Variants in PMEPA1 observed in about 807,000 individuals in gnomAD.
PMEPA1 encodes protein TMEPAI.
A neutral mutation model predicts 23.0 loss-of-function variants in PMEPA1; 11 were observed. That is an observed-to-expected ratio of 0.48 (90% CI 0.30 to 0.79). The LOEUF (loss-of-function observed/expected upper bound fraction) is 0.79, where lower values mean the gene tolerates loss of function less well. PMEPA1 is among the 30% of genes least tolerant of loss of function. The pLI is 0.06. For synonymous variants in PMEPA1, 204 were observed against 166.4 expected, an observed-to-expected ratio of 1.23 and a Z score of -1.74; for missense variants, 377 against 390.9, an observed-to-expected ratio of 0.96 and a Z score of 0.30.
Position 57,672,300 on chromosome 20 carries a change from T to G in PMEPA1, c.110-12603A>C, listed in dbSNP as rs143113330. Among the ~76,000 whole-genome samples the G allele has an allele frequency of 2.0e-4, 31 of 152,386 alleles. No individual in the cohort carries two copies. In the East Asian group the frequency reaches 5.4e-3, roughly 27 times the overall value. On this transcript the variant is annotated intron_variant, in intron 1 of 3. Coordinates refer to ENST00000341744, the MANE Select transcript of PMEPA1 (RefSeq NM_020182.5). ...TCGGCAAGCACCTCGTGCTCCTTGG[T>G]AACCAGCAGATGTTTCTCTCAATTA...
chr20:57,703,758 G>A (rs910409244), intron 1 of PMEPA1, among the ~76,000 whole-genome samples: 5 of 152,152 alleles, frequency 3.3e-5, no homozygotes, highest in African/African-American at 4.8e-5. Flanking sequence ...CTCATCACTA[G>A]GCACTCTGTT....
intron 1 of PMEPA1, among the ~76,000 whole-genome samples, chr20:57,689,375 C>T (rs2071845875): frequency 6.6e-6 from 1 of 152,098 alleles, no homozygotes; most frequent in Admixed American, 6.5e-5. Flanking sequence ...ATTGTGTGAC[C>T]AGGACAGAGG....
intron 1 of PMEPA1, among the ~76,000 whole-genome samples, chr20:57,696,505 C>A (rs1401616023): frequency 2.0e-5 from 3 of 152,154 alleles, no homozygotes; most frequent in African/African-American, 4.8e-5. Context: ...CTCCTCCATG[C>A]GATGGGGTTG....
In PMEPA1 at chr20:57,682,379, A is replaced by C. The variant is rs2071730605; in HGVS notation, c.110-22682T>G. ...GAGCCTCGGTGGTTTCATCCATAAA[A>C]TGGGGAAATGACAGCCCGCTGCCCT... is the stretch of plus-strand genomic sequence containing the variant. On this transcript the variant is annotated intron_variant, in intron 1 of 3. Transcript: ENST00000341744. This position sits in a 1 kb window ranked among gnomAD's most constrained non-coding sequence, Gnocchi z 4.4. 6.6e-6 allele frequency among the ~76,000 whole-genome samples: 1 copy of C among 152,172 alleles called. No homozygotes were observed. Among genetic ancestry groups the C allele is most frequent in the South Asian group, 2.1e-4 (1 of 4,822 alleles).
intron 1 of PMEPA1, among the ~76,000 whole-genome samples, chr20:57,669,895 G>C (rs1052789130): frequency 6.6e-6 from 1 of 152,060 alleles, no homozygotes; most frequent in Non-Finnish European, 1.5e-5. Flanking sequence ...AAAGATTTGA[G>C]AAGCATCTGT....
At chr20:57,702,701 A>C (rs563721475) in intron 1 of PMEPA1, among the ~76,000 whole-genome samples, 237 of 152,178 alleles carry the variant, frequency 1.6e-3, no homozygotes, top group Non-Finnish European at 3.0e-3. Context: ...TGGCTGTGTG[A>C]CCTCGAGCAA....
chr20:57,663,844 G>A (rs908584696), intron 1 of PMEPA1, among the ~76,000 whole-genome samples: 2 of 152,196 alleles, frequency 1.3e-5, no homozygotes, highest in Non-Finnish European at 2.9e-5. Context: ...GCAACACCCT[G>A]GGCCAAGGAG....
intron 1 of PMEPA1, among the ~76,000 whole-genome samples, chr20:57,661,462 G>A (rs754020970): frequency 4.6e-5 from 7 of 152,290 alleles, no homozygotes; most frequent in African/African-American, 7.2e-5. Flanking sequence ...CCCAGACCCC[G>A]GCTGGCATGG....
chr20:57,675,638 G>A lies in PMEPA1; in HGVS notation c.110-15941C>T, dbSNP rs1304904961. On this transcript the variant is annotated intron_variant, in intron 1 of 3. Transcript: ENST00000341744. ...CCACACTGACAGTCGGCCCCTGAAT[G>A]GATTGCCGGGCCCAGCGGCAGCTTG... Among the ~76,000 whole-genome samples the A allele has an allele frequency of 2.0e-5, 3 of 152,214 alleles. No homozygotes were observed. The East Asian group carries it at 5.8e-4, about 29-fold the overall frequency.
Position 57,693,037 on chromosome 20 carries a change from C to T in PMEPA1, c.109+16437G>A, listed in dbSNP as rs111627553. ...AACGTGGCAAAACTCAGCCAAGTCC[C>T]GAAGTGGCAAAACCACGATGTTCAC... On this transcript the variant is annotated intron_variant, in intron 1 of 3. Transcript: ENST00000341744. Among the ~76,000 whole-genome samples, 490 of 152,304 alleles carry T rather than the reference C, an allele frequency of 3.2e-3. 4 individuals are homozygous for T. Among genetic ancestry groups the T allele is most frequent in the African/African-American group, 0.011 (455 of 41,566 alleles).
In PMEPA1 at chr20:57,652,931, GGC is replaced by G; in HGVS notation, c.318+100_318+101del. ...CAGCAGCAAGGGCACTGCAGAGGAG[GGC>G]GGAGGGGTGAGCCTTTAGCAGCCCA... On this transcript the variant is annotated intron_variant, in intron 3 of 3. Transcript: ENST00000341744. The surrounding 1 kb of genome is among the most constrained non-coding windows in gnomAD (Gnocchi z 6.1). 1.0e-6 allele frequency: 1 copy of G among 969,248 alleles called. No individual in the cohort carries two copies. The highest frequency in any genetic ancestry group is 1.6e-6 in the Non-Finnish European group (1 of 621,112). 60.0% of individuals were successfully genotyped at this position (969,248 alleles called of 1,614,324 possible). A position where few individuals can be genotyped will look rare whatever the true frequency, so the allele number is the denominator to read the frequency against.
intron 1 of PMEPA1, among the ~76,000 whole-genome samples, chr20:57,687,873 C>G (rs909547185): frequency 2.0e-5 from 3 of 152,234 alleles, no homozygotes; most frequent in African/African-American, 7.2e-5. Flanking sequence ...CACAAGGGCC[C>G]CCAGCAGGGC....
chr20:57,669,321 C>T (rs1319675728), intron 1 of PMEPA1, among the ~76,000 whole-genome samples: 2 of 152,106 alleles, frequency 1.3e-5, no homozygotes, highest in Non-Finnish European at 2.9e-5. Flanking sequence ...CCAGCACGCC[C>T]AGCTAATTTT....
chr20:57,666,044 G>A (rs980733068), intron 1 of PMEPA1, among the ~76,000 whole-genome samples: 42 of 151,980 alleles, frequency 2.8e-4, no homozygotes, highest in South Asian at 2.1e-4. Context: ...ATTTTTCTTC[G>A]TAATTTTTCC....
chr20:57,674,829 G>T (rs11697552), intron 1 of PMEPA1, among the ~76,000 whole-genome samples: 4 of 152,130 alleles, frequency 2.6e-5, no homozygotes, highest in African/African-American at 9.7e-5. Context: ...CCTCAGGAGC[G>T]AGGGCACGCA....
At chr20:57,699,123 C>T (rs531556647) in intron 1 of PMEPA1, among the ~76,000 whole-genome samples, 218 of 152,312 alleles carry the variant, frequency 1.4e-3, no homozygotes, top group Non-Finnish European at 2.4e-3. Context: ...GGGCTCGAAC[C>T]GAATCTTGTT....
intron 1 of PMEPA1, among the ~76,000 whole-genome samples, chr20:57,679,079 AACAGAAC>A (rs2146678466): frequency 6.6e-6 from 1 of 152,298 alleles, no homozygotes; most frequent in South Asian, 2.1e-4. Context: ...CAGAACATGG[AACAGAAC>A]TAGAGCAGGT....
At chr20:57,700,040 A>G (rs1234540963) in intron 1 of PMEPA1, 1 of 471,246 alleles carries the variant, frequency 2.1e-6, no homozygotes, top group East Asian at 6.9e-5. Flanking sequence ...AACCACTGAC[A>G]CTCAGGCAAA....
intron 1 of PMEPA1, among the ~76,000 whole-genome samples, chr20:57,680,771 T>C (rs540023725): frequency 3.3e-5 from 5 of 152,352 alleles, no homozygotes; most frequent in African/African-American, 1.2e-4. Context: ...ACTTGGATTG[T>C]ACATTTCTGT....
Sources: gnomAD v4.1 joint callset for allele counts (sites outside exome capture counted in the v4.1 genomes callset) on GRCh38, gnomAD v4.1.1 for gene constraint, Gnocchi (gnomAD v3.1) non-coding constraint, MANE v1.5 for transcripts, NCBI Gene and HGNC (gene_info 2026-07-23, HGNC 2026-07-21) for gene names.